The following ADGRA2 variants were observed in gnomAD, a reference collection of about 807,000 sequenced individuals.
ADGRA2 encodes the protein G-protein coupled receptor 124.
A neutral mutation model predicts 98.7 loss-of-function variants in ADGRA2; 61 were observed. That is an observed-to-expected ratio of 0.62 (90% CI 0.50 to 0.76). The LOEUF (loss-of-function observed/expected upper bound fraction) is 0.76, where lower values mean the gene tolerates loss of function less well. ADGRA2 is among the 30% of genes least tolerant of loss of function. ADGRA2 has a pLI of 0.00. For synonymous variants in ADGRA2, 858 were observed against 831.5 expected (o/e 1.03, Z -0.55); for missense variants, 1,712 against 1,860.0 (o/e 0.92, Z 1.46).
chr8:37,805,391 C>T (rs922032963), intron 1 of ADGRA2, among the ~76,000 whole-genome samples: 3 of 152,108 alleles, frequency 2.0e-5, no homozygotes, highest in African/African-American at 7.2e-5. Context: ...TGAGTATCTG[C>T]GTAGGTAGAA....
chr8:37,815,682 A>G (rs1804960069), intron 2 of ADGRA2, among the ~76,000 whole-genome samples: 1 of 152,090 alleles, frequency 6.6e-6, no homozygotes, highest in Non-Finnish European at 1.5e-5. Flanking sequence ...TCATGGGGAG[A>G]GTGTTCACGG....
chr8:37,830,961 G>A lies in ADGRA2; in HGVS notation c.932+38G>A. ...CTGCCCCTCCTCAGGCCTCAGCATG[G>A]GGTTAGGGGACCTACCCTACCCGTC... On this transcript the variant is annotated intron_variant, in intron 7 of 18. Transcript: ENST00000412232. This position sits in a 1 kb window ranked among gnomAD's most constrained non-coding sequence, Gnocchi z 4.8. 1 of 1,478,850 alleles carries A rather than the reference G, an allele frequency of 6.8e-7. No homozygotes were observed. Among genetic ancestry groups the A allele is most frequent in the Non-Finnish European group, 9.2e-7 (1 of 1,085,524 alleles). The allele number at this position is 1,478,850 out of a possible 1,614,324, so 91.6% of individuals were successfully genotyped here. A position where few individuals can be genotyped will look rare whatever the true frequency, so the allele number is the denominator to read the frequency against.
chr8:37,814,550 G>A lies in ADGRA2; in HGVS notation c.267-346G>A, dbSNP rs1804924907. ...GCTTGAGCAAGGATGGAACTGTGAA[G>A]GGCATCATGAGGGGGCACTGAGGGT... On this transcript the variant is annotated intron_variant, in intron 1 of 18. Coordinates refer to ENST00000412232, the MANE Select transcript of ADGRA2 (RefSeq NM_032777.10). The surrounding 1 kb of genome is among the most constrained non-coding windows in gnomAD (Gnocchi z 4.3). 6.6e-6 allele frequency among the ~76,000 whole-genome samples: 1 copy of A among 152,256 alleles called. No individual in the cohort carries two copies. Among genetic ancestry groups the A allele is most frequent in the African/African-American group, 2.4e-5 (1 of 41,466 alleles).
chr8:37,822,579 C>A (rs1053041143), intron 2 of ADGRA2, among the ~76,000 whole-genome samples: 1 of 152,172 alleles, frequency 6.6e-6, no homozygotes, highest in African/African-American at 2.4e-5. Flanking sequence ...TCATCATCCG[C>A]AAAAGAAACC....
At chr8:37,806,526 C>CTTTTTTTGTTTTTTTTT (rs1804669631) in intron 1 of ADGRA2, among the ~76,000 whole-genome samples, 1 of 100,356 alleles carries the variant, frequency 1.0e-5, no homozygotes, top group Non-Finnish European at 1.9e-5. Flanking sequence ...TTTTCTTTTT[C>CTTTTTTTGTTTTTTTTT]TTTTTTTTTT....
rs924598998 is a variant in ADGRA2, at chr8:37,830,243, T to C, written c.718+229T>C. Among the ~76,000 whole-genome samples, 2 of 152,238 alleles carry C rather than the reference T, an allele frequency of 1.3e-5. No individual in the cohort carries two copies. The highest frequency in any genetic ancestry group is 2.9e-5 in the Non-Finnish European group (2 of 68,046). The stretch of plus-strand genomic sequence containing the variant: ...CACAAAAAGGCTTTTCTGTGCTGTC[T>C]TTCATTACAGGTTTGCAACAGCTCT... On this transcript the variant is annotated intron_variant, in intron 6 of 18. Coordinates refer to ENST00000412232, the MANE Select transcript of ADGRA2 (RefSeq NM_032777.10). This position sits in a 1 kb window ranked among gnomAD's most constrained non-coding sequence, Gnocchi z 4.8.
chr8:37,844,274 C>T lies in ADGRA2; in HGVS notation c.*1919C>T. The T allele has an allele frequency of 1.7e-6, 1 of 590,386 alleles. No individual in the cohort carries two copies. The highest frequency in any genetic ancestry group is 3.0e-6 in the Non-Finnish European group (1 of 331,594). The allele number at this position is 590,386 out of a possible 1,614,324, so 36.6% of individuals were successfully genotyped here. A position where few individuals can be genotyped will look rare whatever the true frequency, so the allele number is the denominator to read the frequency against. On this transcript the variant is annotated 3_prime_UTR_variant, in exon 19 of 19. Coordinates refer to ENST00000412232, the MANE Select transcript of ADGRA2 (RefSeq NM_032777.10). The stretch of plus-strand genomic sequence containing the variant: ...AACATGGACATAGGCAACTTGCTCT[C>T]CCACACCAAGGGATGGGAATCTCTC...
chr8:37,817,951 T>G (rs1025734641), intron 2 of ADGRA2, among the ~76,000 whole-genome samples: 13 of 152,028 alleles, frequency 8.6e-5, no homozygotes, highest in African/African-American at 3.1e-4. Flanking sequence ...CCGGGAGGCA[T>G]AGGTTGCAGC....
chr8:37,821,927 G>A (rs1805139662), intron 2 of ADGRA2, among the ~76,000 whole-genome samples: 1 of 152,106 alleles, frequency 6.6e-6, no homozygotes, highest in African/African-American at 2.4e-5. Context: ...CGAGGGTGAG[G>A]CTGCTGGGCT....
rs567421697 is a variant in ADGRA2 at position 37,816,349 on chromosome 8, T to C, written c.338+1382T>C. 3.3e-5 allele frequency among the ~76,000 whole-genome samples: 5 copies of C among 151,204 alleles called. No individual in the cohort carries two copies. The South Asian group carries it at 1.0e-3, about 32-fold the overall frequency. ...GGCTCACACCTATATTCCCAGCACTTTGGGAGGCCGAGGCGGGTGGATCAC... is the reference window on the plus strand; with the variant it reads ...GGCTCACACCTATATTCCCAGCACTCTGGGAGGCCGAGGCGGGTGGATCAC... On this transcript the variant is annotated intron_variant, in intron 2 of 18. Transcript: ENST00000412232.
In ADGRA2 at chr8:37,841,629, G is replaced by A; in HGVS notation, c.3291G>A (p.Arg1097=). 1 of 1,530,750 alleles carries A rather than the reference G, an allele frequency of 6.5e-7. No individual in the cohort carries two copies. Among genetic ancestry groups the A allele is most frequent in the Non-Finnish European group, 8.8e-7 (1 of 1,138,794 alleles). 94.8% of individuals were successfully genotyped at this position (1,530,750 alleles called of 1,614,324 possible). A position where few individuals can be genotyped will look rare whatever the true frequency, so the allele number is the denominator to read the frequency against. ...ASPAAPHAPP[R]ALPAAAEDGS... ...CCGCGGCCCCCCATGCCCCGCCCCGGGCCCTGCCCGCCGCCGCAGAGGACG... is the reference window on the plus strand; with the variant it reads ...CCGCGGCCCCCCATGCCCCGCCCCGAGCCCTGCCCGCCGCCGCAGAGGACG... Residue 1097 remains arginine (R), a synonymous_variant, in exon 19 of 19, where the codon CGG becomes CGA. Coordinates refer to ENST00000412232, the MANE Select transcript of ADGRA2 (RefSeq NM_032777.10). The surrounding 1 kb of genome is among the most constrained non-coding windows in gnomAD (Gnocchi z 5.0).
intron 2 of ADGRA2, among the ~76,000 whole-genome samples, chr8:37,828,435 T>C (rs1805346217): frequency 6.6e-6 from 1 of 150,750 alleles, no homozygotes; most frequent in South Asian, 2.1e-4. Context: ...CAGTGCCCGC[T>C]GATGGTAGCC....
chr8:37,831,533 C>A lies in ADGRA2; in HGVS notation c.1043C>A (p.Thr348Asn). The A allele has an allele frequency of 6.2e-7, 1 of 1,613,648 alleles. No homozygotes were observed. ...SKKVEIVVLETSASYCPAERV... is the reference protein window; with the variant it reads ...SKKVEIVVLENSASYCPAERV... ...AAGGTGGAGATCGTGGTGCTGGAGA[C>A]CTCTGCCTCCTACTGCCCCGCCGAG... The change falls in exon 8 of 19, where the codon ACC (threonine) becomes AAC (asparagine). Residue 348 changes from threonine to asparagine, a missense_variant. Thr to Asn is a moderately conservative substitution (Grantham distance 65, BLOSUM62 0). Transcript: ENST00000412232.
intron 2 of ADGRA2, among the ~76,000 whole-genome samples, chr8:37,818,748 G>A (rs1805048529): frequency 1.3e-5 from 2 of 152,214 alleles, no homozygotes; most frequent in Admixed American, 1.3e-4. Flanking sequence ...ATAGCAAATA[G>A]GTGTGTGGTG....
chr8:37,818,978 G>A (rs780711688), intron 2 of ADGRA2, among the ~76,000 whole-genome samples: 1 of 152,164 alleles, frequency 6.6e-6, no homozygotes, highest in Non-Finnish European at 1.5e-5. Context: ...GGAATGCCTG[G>A]GGAGTCTGAG....
chr8:37,831,676 C>T (rs900664350), intron 8 of ADGRA2, 89 bp downstream of exon 8: 9 of 1,182,900 alleles, frequency 7.6e-6, no homozygotes, highest in Admixed American at 1.9e-5. Flanking sequence ...TTTCCCCATC[C>T]GCTGTCTCTG....
In ADGRA2 at chr8:37,842,125, C is replaced by T; in HGVS notation, c.3787C>T (p.Leu1263Phe). The change falls in exon 19 of 19, where the codon CTT becomes TTT. Residue 1263 changes from leucine to phenylalanine, a missense_variant. Physicochemically the swap from Leu to Phe is conservative, Grantham distance 22 (BLOSUM62 0). Coordinates refer to ENST00000412232, the MANE Select transcript of ADGRA2 (RefSeq NM_032777.10). Reference protein sequence around the residue: ...SEGSDTSAAPLSEAGRAGQRR... With the variant: ...SEGSDTSAAPFSEAGRAGQRR... ...GGGCAGCGACACCAGCGCCGCGCCG[C>T]TTTCTGAGGCGGGCCGGGCAGGCCA... 5.3e-6 allele frequency: 8 copies of T among 1,496,704 alleles called. No homozygotes were observed. The highest frequency in any genetic ancestry group is 7.1e-6 in the Non-Finnish European group (8 of 1,131,066). The allele number at this position is 1,496,704 out of a possible 1,614,324, so 92.7% of individuals were successfully genotyped here.
chr8:37,807,495 C>T (rs1185472393), intron 1 of ADGRA2, among the ~76,000 whole-genome samples: 2 of 152,118 alleles, frequency 1.3e-5, no homozygotes, highest in Non-Finnish European at 2.9e-5. Context: ...GGTTAATTTC[C>T]GTCTTTGCAG....
intron 1 of ADGRA2, among the ~76,000 whole-genome samples, chr8:37,810,899 G>A (rs1421003666): frequency 1.3e-5 from 2 of 152,002 alleles, no homozygotes; most frequent in Non-Finnish European, 2.9e-5. Flanking sequence ...AGTGGATCAT[G>A]AGGTCAGGAG....
Sources: gnomAD v4.1 joint callset for allele counts (sites outside exome capture counted in the v4.1 genomes callset) on GRCh38, gnomAD v4.1.1 for gene constraint, Gnocchi (gnomAD v3.1) non-coding constraint, MANE v1.5 for transcripts, NCBI Gene and HGNC (gene_info 2026-07-23, HGNC 2026-07-21) for gene names.